CDK14: variants seen among roughly 807,000 people sequenced by gnomAD.
CDK14 encodes cyclin dependent kinase 14.
In CDK14, 34 loss-of-function variants were observed where a neutral mutation model predicts 60.7. The ratio of observed to expected loss-of-function variants is 0.56; its 90% CI spans 0.43 to 0.75. The LOEUF (loss-of-function observed/expected upper bound fraction) is 0.75, where lower values mean the gene tolerates loss of function less well. Ranked by LOEUF, CDK14 falls within the 30% of genes least tolerant of loss-of-function variation. CDK14 has a pLI of 0.00. For synonymous variants in CDK14, 197 were observed against 203.7 expected, an observed-to-expected ratio of 0.97 and a Z score of 0.28; for missense variants, 482 against 564.1, an observed-to-expected ratio of 0.85 and a Z score of 1.47.
chr7:91,121,700 G>A (rs1293589840), intron 14 of CDK14, among the ~76,000 whole-genome samples: 2 of 152,122 alleles, frequency 1.3e-5, no homozygotes, highest in African/African-American at 2.4e-5. Context: ...AGGTGCCACT[G>A]GATTATCAAA....
At chr7:90,604,435 G>A (rs536345708) in intron 2 of CDK14, among the ~76,000 whole-genome samples, 186 bp downstream of exon 2, 1 of 152,236 alleles carries the variant, frequency 6.6e-6, no homozygotes, top group Non-Finnish European at 1.5e-5. Flanking sequence ...TTGGTAGCAA[G>A]TAACAGAAAT....
At chr7:90,774,587 A>G (rs1804938825) in intron 4 of CDK14, among the ~76,000 whole-genome samples, 1 of 152,238 alleles carries the variant, frequency 6.6e-6, no homozygotes, top group South Asian at 2.1e-4. Flanking sequence ...TATGCAAGTA[A>G]TACATTTTTA....
chr7:90,799,416 G>A (rs993627777), intron 5 of CDK14, among the ~76,000 whole-genome samples: 31 of 151,952 alleles, frequency 2.0e-4, no homozygotes, highest in African/African-American at 7.0e-4. Flanking sequence ...GGCTGGGTGC[G>A]GTGGCTCACA....
chr7:91,018,507 A>T (rs1405789971), intron 10 of CDK14, among the ~76,000 whole-genome samples: 1 of 152,194 alleles, frequency 6.6e-6, no homozygotes, highest in Non-Finnish European at 1.5e-5. Flanking sequence ...GTAGAAGGGG[A>T]AAACTCTATC....
intron 4 of CDK14, among the ~76,000 whole-genome samples, chr7:90,780,837 A>G (rs1415058501): frequency 1.3e-5 from 2 of 151,714 alleles, no homozygotes; most frequent in Non-Finnish European, 2.9e-5. Flanking sequence ...AGTCTTTGCT[A>G]TTGTGAATAG....
At chr7:90,696,647 T>C (rs1801665624) in intron 2 of CDK14, among the ~76,000 whole-genome samples, 1 of 152,054 alleles carries the variant, frequency 6.6e-6, no homozygotes, top group Non-Finnish European at 1.5e-5. Context: ...GATATGTGAG[T>C]CTGAGGATGA....
chr7:90,970,277 C>T (rs1794884804), intron 9 of CDK14, among the ~76,000 whole-genome samples: 1 of 151,516 alleles, frequency 6.6e-6, no homozygotes, highest in African/African-American at 2.4e-5. Flanking sequence ...AATTTTTAAG[C>T]ACTTTTTAAA....
chr7:90,833,187 TC>T (rs1297488105), intron 5 of CDK14, among the ~76,000 whole-genome samples: 1 of 152,208 alleles, frequency 6.6e-6, no homozygotes, highest in African/African-American at 2.4e-5. Context: ...TGGGGATGCT[TC>T]CAACTATTAG....
intron 8 of CDK14, among the ~76,000 whole-genome samples, chr7:90,932,960 C>G (rs181148004): frequency 6.6e-6 from 1 of 152,306 alleles, no homozygotes; most frequent in East Asian, 1.9e-4. Flanking sequence ...TGGGAACCAC[C>G]TTAGCGTTTG....
intron 2 of CDK14, among the ~76,000 whole-genome samples, chr7:90,665,309 A>AATG (rs1800953361): frequency 2.1e-5 from 3 of 143,574 alleles, no homozygotes; most frequent in Non-Finnish European, 3.0e-5. Context: ...AATAAATAAT[A>AATG]AAAACATAAA....
intron 5 of CDK14, among the ~76,000 whole-genome samples, chr7:90,856,454 T>C (rs1471773932): frequency 6.6e-6 from 1 of 152,148 alleles, no homozygotes; most frequent in African/African-American, 2.4e-5. Flanking sequence ...AAGGTCCAGA[T>C]TGATCACAGT....
chr7:90,712,654 GATATATT>G (rs1210469571), intron 2 of CDK14, among the ~76,000 whole-genome samples: 1 of 151,958 alleles, frequency 6.6e-6, no homozygotes, highest in Non-Finnish European at 1.5e-5. Flanking sequence ...AAGAGTTATG[GATATATT>G]ATATATTATT....
At chr7:91,080,344 TAC>T (rs1798451053) in intron 12 of CDK14, among the ~76,000 whole-genome samples, 1 of 152,248 alleles carries the variant, frequency 6.6e-6, no homozygotes, top group African/African-American at 2.4e-5. Context: ...TCTCAGTGGA[TAC>T]AGTGGACAGC....
intron 8 of CDK14, among the ~76,000 whole-genome samples, chr7:90,918,377 C>G (rs1469574299): frequency 6.6e-6 from 1 of 152,184 alleles, no homozygotes; most frequent in East Asian, 1.9e-4. Context: ...TCATTCCTTC[C>G]TTAGAAGTCT....
chr7:91,181,413 A>AT (rs772934661), intron 14 of CDK14, among the ~76,000 whole-genome samples: 4 of 151,828 alleles, frequency 2.6e-5, no homozygotes, highest in East Asian at 1.9e-4. Flanking sequence ...TTTAGGTTTA[A>AT]TTTTTTTTAA....
chr7:91,030,097 T>C lies in CDK14; in HGVS notation c.1042-15800T>C, dbSNP rs1007801068. 1.3e-5 allele frequency among the ~76,000 whole-genome samples: 2 copies of C among 152,174 alleles called. 1 individual carries two copies. Among genetic ancestry groups the C allele is most frequent in the South Asian group, 4.1e-4 (2 of 4,822 alleles). On this transcript the variant is annotated intron_variant, in intron 10 of 14. Transcript: ENST00000380050. ...GCTCTCAATAACTTTTGAAAATAAA[T>C]GGATACATATGTAATAGTATACACA...
intron 9 of CDK14, among the ~76,000 whole-genome samples, chr7:90,981,792 A>G (rs17479582): frequency 0.27 from 22,189 of 82,338 alleles, 1,854 homozygotes; most frequent in Middle Eastern, 0.42. Flanking sequence ...TCCAGGAGGT[A>G]GAGAGTTCTA....
chr7:91,179,562 G>T (rs1200273445), intron 14 of CDK14, among the ~76,000 whole-genome samples: 2 of 151,874 alleles, frequency 1.3e-5, no homozygotes, highest in African/African-American at 4.8e-5. Flanking sequence ...CAGCATTATG[G>T]GAGGCCGAGG....
At chr7:91,179,351 T>C (rs1320314956) in intron 14 of CDK14, among the ~76,000 whole-genome samples, 4 of 87,962 alleles carry the variant, frequency 4.5e-5, no homozygotes, top group African/African-American at 9.1e-5. Flanking sequence ...CTGGGGACTG[T>C]TGTGGGGTGG....
Sources: allele counts gnomAD v4.1 joint callset (sites outside exome capture counted in the v4.1 genomes callset), GRCh38; gene constraint gnomAD v4.1.1; transcripts MANE v1.5; gene names NCBI Gene and HGNC (gene_info 2026-07-23, HGNC 2026-07-21).